NKAIN2: variants seen among roughly 807,000 people sequenced by gnomAD.
The protein encoded by NKAIN2 is sodium/potassium-transporting ATPase subunit beta-1-interacting protein 2.
Under a neutral mutation model 32.6 loss-of-function variants are expected in NKAIN2, and 14 were observed. The ratio of observed to expected loss-of-function variants is 0.43; its 90% CI spans 0.28 to 0.67. The LOEUF is 0.67. Ranked by LOEUF, NKAIN2 falls within the 30% of genes least tolerant of loss-of-function variation. NKAIN2 has a pLI of 0.17. For missense variants in NKAIN2, 198 were observed against 258.3 expected, an observed-to-expected ratio of 0.77 and a Z score of 1.60; for synonymous variants, 80 against 87.2, an observed-to-expected ratio of 0.92 and a Z score of 0.46.
chr6:124,090,211 A>T (rs879217026), intron 1 of NKAIN2, among the ~76,000 whole-genome samples: 3 of 151,992 alleles, frequency 2.0e-5, no homozygotes, highest in African/African-American at 7.2e-5. Flanking sequence ...CATTTATGAA[A>T]ATGTTACTTT....
chr6:124,370,275 A>C (rs971365555), intron 3 of NKAIN2, among the ~76,000 whole-genome samples: 1 of 151,588 alleles, frequency 6.6e-6, no homozygotes, highest in Non-Finnish European at 1.5e-5. Context: ...GAAATATTTA[A>C]GTTTCAGCGT....
chr6:124,181,045 C>G (rs199810176), intron 1 of NKAIN2, among the ~76,000 whole-genome samples: 1 of 152,134 alleles, frequency 6.6e-6, no homozygotes, highest in East Asian at 1.9e-4. Context: ...GCCTGGACAT[C>G]CAAGCATTTC....
intron 1 of NKAIN2, among the ~76,000 whole-genome samples, chr6:124,209,736 G>T (rs1161901439): frequency 6.6e-6 from 1 of 151,734 alleles, no homozygotes; most frequent in Non-Finnish European, 1.5e-5. Context: ...TCATATACCT[G>T]TTGGACATTT....
chr6:124,309,624 A>G (rs1418987139), intron 2 of NKAIN2, among the ~76,000 whole-genome samples: 2 of 152,104 alleles, frequency 1.3e-5, no homozygotes, highest in East Asian at 3.9e-4. Flanking sequence ...TTGATTTTCA[A>G]CCAAGAACCT....
chr6:124,395,361 T>C (rs1773332407), intron 3 of NKAIN2, among the ~76,000 whole-genome samples: 1 of 152,204 alleles, frequency 6.6e-6, no homozygotes, highest in Non-Finnish European at 1.5e-5. Context: ...AAATTATTCC[T>C]GTTATTTCAT....
chr6:124,500,173 A>T (rs1778229086), intron 3 of NKAIN2, among the ~76,000 whole-genome samples: 1 of 152,188 alleles, frequency 6.6e-6, no homozygotes, highest in African/African-American at 2.4e-5. Flanking sequence ...TGTAAACAGA[A>T]CTTATTTTCA....
intron 4 of NKAIN2, among the ~76,000 whole-genome samples, chr6:124,748,918 C>T (rs140495434): frequency 2.3e-3 from 341 of 150,470 alleles, no homozygotes; most frequent in African/African-American, 7.6e-3. Flanking sequence ...GAACCATAAA[C>T]TTAATGGTTT....
At chr6:124,018,530 G>T (rs1780700337) in intron 1 of NKAIN2, among the ~76,000 whole-genome samples, 1 of 152,016 alleles carries the variant, frequency 6.6e-6, no homozygotes, top group East Asian at 1.9e-4. Context: ...TCTTTCTCCA[G>T]ATACTCTAAA....
chr6:124,064,960 A>G (rs1179379068), intron 1 of NKAIN2, among the ~76,000 whole-genome samples: 2 of 152,076 alleles, frequency 1.3e-5, no homozygotes, highest in Non-Finnish European at 2.9e-5. Flanking sequence ...AGGTTTATCT[A>G]TATCTTCAAT....
intron 3 of NKAIN2, among the ~76,000 whole-genome samples, chr6:124,646,808 A>C (rs542776374): frequency 9.9e-5 from 15 of 152,074 alleles, no homozygotes; most frequent in African/African-American, 3.4e-4. Context: ...AAAATTAGCC[A>C]GGTGTGGTGG....
chr6:123,931,445 TATG>T (rs1253120489), intron 1 of NKAIN2, among the ~76,000 whole-genome samples: 2 of 152,168 alleles, frequency 1.3e-5, no homozygotes, highest in Non-Finnish European at 2.9e-5. Flanking sequence ...TTCATTTTAT[TATG>T]ATATTTGCTG....
intron 4 of NKAIN2, among the ~76,000 whole-genome samples, chr6:124,770,686 T>C (rs1778711099): frequency 6.6e-6 from 1 of 152,190 alleles, no homozygotes; most frequent in South Asian, 2.1e-4. Flanking sequence ...TTAACGATGC[T>C]CTGATTCATT....
At chr6:124,129,311 A>T (rs2115002774) in intron 1 of NKAIN2, among the ~76,000 whole-genome samples, 1 of 152,300 alleles carries the variant, frequency 6.6e-6, no homozygotes, top group Admixed American at 6.5e-5. Flanking sequence ...AAATTGGTTT[A>T]TGTAACTGAA....
At chr6:124,647,614 G>A (rs1784228431) in intron 3 of NKAIN2, among the ~76,000 whole-genome samples, 1 of 150,796 alleles carries the variant, frequency 6.6e-6, no homozygotes, top group African/African-American at 2.4e-5. Context: ...AATGGTTTTG[G>A]AACTATATCA....
chr6:124,207,534 CT>C (rs1562422627), intron 1 of NKAIN2, among the ~76,000 whole-genome samples: 4 of 150,370 alleles, frequency 2.7e-5, no homozygotes, highest in African/African-American at 9.8e-5. Flanking sequence ...TTTAATTCTG[CT>C]TATTTTCTCA....
At chr6:124,036,075 A>G (rs1781593428) in intron 1 of NKAIN2, among the ~76,000 whole-genome samples, 1 of 152,128 alleles carries the variant, frequency 6.6e-6, no homozygotes, top group African/African-American at 2.4e-5. Context: ...TGGGTACTGT[A>G]TAATTAGGAA....
chr6:124,818,040 T>G (rs1781242823), intron 5 of NKAIN2, among the ~76,000 whole-genome samples: 1 of 152,138 alleles, frequency 6.6e-6, no homozygotes, highest in South Asian at 2.1e-4. Context: ...TCACAGAAAA[T>G]CTACACTAAC....
chr6:124,301,968 G>C (rs183779829), intron 2 of NKAIN2, among the ~76,000 whole-genome samples: 1 of 152,186 alleles, frequency 6.6e-6, no homozygotes, highest in East Asian at 1.9e-4. Flanking sequence ...TTTTGGGAGG[G>C]GCTGGGGTGG....
intron 1 of NKAIN2, among the ~76,000 whole-genome samples, chr6:123,995,074 A>G (rs1279002420): frequency 7.9e-5 from 12 of 152,178 alleles, no homozygotes; most frequent in Admixed American, 5.2e-4. Context: ...GGTTAGTTCT[A>G]TTGACATTTG....
Sources: allele counts gnomAD v4.1 joint callset (sites outside exome capture counted in the v4.1 genomes callset), GRCh38; gene constraint gnomAD v4.1.1; transcripts MANE v1.5; gene names NCBI Gene and HGNC (gene_info 2026-07-23, HGNC 2026-07-21).